The following CTNNA3 variants were observed in gnomAD, a reference collection of about 807,000 sequenced individuals.
CTNNA3 encodes the protein catenin alpha 3, also known as catenin alpha-3.
CTNNA3 carries 76 observed loss-of-function variants against 95.7 expected under a neutral mutation model. The observed-to-expected ratio is 0.79, with a 90% CI of 0.66 to 0.96. CTNNA3 has a LOEUF of 0.96. Among genes scored for constraint, CTNNA3 ranks in the 40% least tolerant of loss-of-function variants. The pLI is 0.00. For synonymous variants in CTNNA3, 431 were observed against 374.4 expected, an observed-to-expected ratio of 1.15 and a Z score of -1.74; for missense variants, 1,191 against 1,089.8, an observed-to-expected ratio of 1.09 and a Z score of -1.31.
intron 7 of CTNNA3, among the ~76,000 whole-genome samples, chr10:67,128,243 T>C (rs950596287): frequency 6.6e-6 from 1 of 152,170 alleles, no homozygotes; most frequent in Non-Finnish European, 1.5e-5. Context: ...TTTAAAGTTA[T>C]AGACTGAGTA....
chr10:67,326,147 G>A (rs972196578), intron 5 of CTNNA3, among the ~76,000 whole-genome samples: 2 of 152,072 alleles, frequency 1.3e-5, no homozygotes, highest in African/African-American at 4.8e-5. Flanking sequence ...GTCTCTTGAA[G>A]ACAGCATACT....
At chr10:67,458,928 T>C (rs1438742835) in intron 5 of CTNNA3, among the ~76,000 whole-genome samples, 1 of 152,170 alleles carries the variant, frequency 6.6e-6, no homozygotes, top group African/African-American at 2.4e-5. Context: ...TTATTTCTCA[T>C]GTGACTTTCT....
chr10:66,696,770 TAA>T (rs34725693), intron 9 of CTNNA3, among the ~76,000 whole-genome samples: 4 of 149,576 alleles, frequency 2.7e-5, no homozygotes, highest in Admixed American at 6.7e-5. Flanking sequence ...CTGTCTCTAT[TAA>T]AAAAAAAAAT....
intron 1 of CTNNA3, among the ~76,000 whole-genome samples, chr10:67,653,081 G>A (rs1045808734): frequency 2.6e-5 from 4 of 152,210 alleles, no homozygotes; most frequent in Non-Finnish European, 4.4e-5. Flanking sequence ...GCATGGTGCT[G>A]GCATCTGCTC....
chr10:65,981,813 G>A (rs531759061), intron 16 of CTNNA3, among the ~76,000 whole-genome samples: 1 of 151,812 alleles, frequency 6.6e-6, no homozygotes, highest in Non-Finnish European at 1.5e-5. Flanking sequence ...AATGAAACTG[G>A]GTTCTCATCT....
chr10:65,919,697 G>A lies in CTNNA3; in HGVS notation c.*633C>T, dbSNP rs1344280733. ...AAGAAAGCATTTTATTAATAAACAAGGTTGACCTTCAAAATCCAGCAAGTA... is the reference window on the plus strand; with the variant it reads ...AAGAAAGCATTTTATTAATAAACAAAGTTGACCTTCAAAATCCAGCAAGTA... On this transcript the variant is annotated 3_prime_UTR_variant, in exon 18 of 18. Coordinates refer to ENST00000433211, the MANE Select transcript of CTNNA3 (RefSeq NM_013266.4). 6.6e-6 allele frequency: 1 copy of A among 152,244 alleles called. No homozygotes were observed. Among genetic ancestry groups the A allele is most frequent in the African/African-American group, 2.4e-5 (1 of 41,438 alleles). 9.4% of individuals were successfully genotyped at this position (152,244 alleles called of 1,614,324 possible).
intron 7 of CTNNA3, among the ~76,000 whole-genome samples, chr10:67,140,621 A>T (rs1440340777): frequency 6.6e-6 from 1 of 152,264 alleles, no homozygotes; most frequent in African/African-American, 2.4e-5. Flanking sequence ...GCTAAAATGT[A>T]TGAAAAGCAA....
intron 7 of CTNNA3, among the ~76,000 whole-genome samples, chr10:66,788,440 T>A (rs947829436): frequency 6.6e-6 from 1 of 152,120 alleles, no homozygotes. Flanking sequence ...GAACAAACCA[T>A]AAATTCTGGA....
chr10:66,443,593 A>G (rs2093392412), intron 11 of CTNNA3, among the ~76,000 whole-genome samples: 1 of 152,190 alleles, frequency 6.6e-6, no homozygotes, highest in South Asian at 2.1e-4. Context: ...GCAAACTCCA[A>G]CAAACCTGCA....
At chr10:67,585,417 G>A (rs1002266124) in intron 3 of CTNNA3, among the ~76,000 whole-genome samples, 1 of 152,148 alleles carries the variant, frequency 6.6e-6, no homozygotes, top group Non-Finnish European at 1.5e-5. Flanking sequence ...ATTAGAATTA[G>A]TGCTTTGTAT....
chr10:67,438,889 C>T (rs1299242177), intron 5 of CTNNA3, among the ~76,000 whole-genome samples: 1 of 152,172 alleles, frequency 6.6e-6, no homozygotes. Flanking sequence ...AGGGAAATCG[C>T]CCATCCCAGT....
chr10:67,411,864 T>G (rs1266733369), intron 5 of CTNNA3, among the ~76,000 whole-genome samples: 2 of 152,116 alleles, frequency 1.3e-5, no homozygotes, highest in African/African-American at 4.8e-5. Flanking sequence ...CTGTCTTGCA[T>G]TTAAAGTTGT....
chr10:67,365,927 G>A (rs974192073), intron 5 of CTNNA3, among the ~76,000 whole-genome samples: 22 of 152,168 alleles, frequency 1.4e-4, no homozygotes, highest in African/African-American at 4.8e-4. Context: ...GCATGCGCAC[G>A]TATGTTTATT....
At chr10:66,050,132 T>C (rs1268373400) in intron 15 of CTNNA3, among the ~76,000 whole-genome samples, 1 of 151,364 alleles carries the variant, frequency 6.6e-6, no homozygotes, top group Non-Finnish European at 1.5e-5. Context: ...GAGAAGCTCT[T>C]TGGCTCTCAA....
At chr10:66,796,587 T>C (rs879880900) in intron 7 of CTNNA3, among the ~76,000 whole-genome samples, 3 of 151,978 alleles carry the variant, frequency 2.0e-5, no homozygotes, top group Non-Finnish European at 4.4e-5. Flanking sequence ...TTGGAAAAAA[T>C]AGTACTTGCC....
At chr10:67,232,147 G>A (rs532072203) in intron 5 of CTNNA3, among the ~76,000 whole-genome samples, 1 of 152,108 alleles carries the variant, frequency 6.6e-6, no homozygotes, top group East Asian at 1.9e-4. Context: ...TTCAGATTCA[G>A]GAAATACAGA....
At chr10:66,236,893 C>T (rs898377918) in intron 13 of CTNNA3, among the ~76,000 whole-genome samples, 26 of 151,260 alleles carry the variant, frequency 1.7e-4, no homozygotes, top group African/African-American at 6.1e-4. Flanking sequence ...GGAGAGAGGA[C>T]GGTTTGAGCC....
At chr10:66,449,233 A>C (rs1326542083) in intron 11 of CTNNA3, among the ~76,000 whole-genome samples, 1 of 152,106 alleles carries the variant, frequency 6.6e-6, no homozygotes, top group Non-Finnish European at 1.5e-5. Context: ...ATCTACATTG[A>C]GTGCTGAATC....
At chr10:66,521,904 C>G (rs1841079891) in intron 10 of CTNNA3, among the ~76,000 whole-genome samples, 2 of 152,100 alleles carry the variant, frequency 1.3e-5, no homozygotes, top group Admixed American at 1.3e-4. Flanking sequence ...TTTAAAAATT[C>G]CATCGAAAGC....
Sources: allele counts gnomAD v4.1 joint callset (sites outside exome capture counted in the v4.1 genomes callset), GRCh38; gene constraint gnomAD v4.1.1; transcripts MANE v1.5; gene names NCBI Gene and HGNC (gene_info 2026-07-23, HGNC 2026-07-21).